The following LRRC4C variants were observed in gnomAD, a reference collection of about 807,000 sequenced individuals.
LRRC4C encodes leucine-rich repeat-containing protein 4C.
Under a neutral mutation model 33.6 loss-of-function variants are expected in LRRC4C, and 5 were observed. The ratio of observed to expected loss-of-function variants is 0.15; its 90% CI spans 0.08 to 0.31. The LOEUF (loss-of-function observed/expected upper bound fraction) is 0.31, where lower values mean the gene tolerates loss of function less well. Ranked by LOEUF, LRRC4C falls within the 10% of genes least tolerant of loss-of-function variation. LRRC4C has a pLI of 1.00. For synonymous variants in LRRC4C, 329 were observed against 302.0 expected (o/e 1.09, Z -0.93); for missense variants, 560 against 796.7 (o/e 0.70, Z 3.58).
chr11:41,194,490 A>C (rs1388159234), intron 1 of LRRC4C, among the ~76,000 whole-genome samples: 1 of 152,100 alleles, frequency 6.6e-6, no homozygotes, highest in Non-Finnish European at 1.5e-5. Flanking sequence ...ACATCATTAC[A>C]TTACCTGAGA....
chr11:40,496,628 A>G (rs1280807280), intron 3 of LRRC4C, among the ~76,000 whole-genome samples: 6 of 152,108 alleles, frequency 3.9e-5, no homozygotes, highest in African/African-American at 1.2e-4. Flanking sequence ...ATGGTTGTCA[A>G]TCATTTTTCT....
At chr11:40,476,623 C>T (rs1450694614) in intron 3 of LRRC4C, among the ~76,000 whole-genome samples, 4 of 152,108 alleles carry the variant, frequency 2.6e-5, no homozygotes, top group Admixed American at 1.3e-4. Flanking sequence ...GGATTACAGG[C>T]GTAAGCCACC....
intron 1 of LRRC4C, among the ~76,000 whole-genome samples, chr11:41,403,809 C>T (rs1954115251): frequency 6.6e-6 from 1 of 152,072 alleles, no homozygotes; most frequent in African/African-American, 2.4e-5. Flanking sequence ...CATTTTTACC[C>T]TCTTCATCAT....
chr11:40,580,744 T>G (rs1406569981), intron 3 of LRRC4C, among the ~76,000 whole-genome samples: 1 of 152,140 alleles, frequency 6.6e-6, no homozygotes, highest in Non-Finnish European at 1.5e-5. Flanking sequence ...GTGATGAAAT[T>G]TAAGGGATTG....
rs764079851 is a variant in LRRC4C, at chr11:40,779,723, CA to C, written c.-406-131446del. On this transcript the variant is annotated intron_variant, in intron 2 of 6. Transcript: ENST00000528697. ...CCAAACATTGGAATATACCCTGGCA[CA>C]GGTGAGACATGCTGGTCTCTAGTAG... Among the ~76,000 whole-genome samples the C allele has an allele frequency of 1.0e-3, 158 of 152,226 alleles. No homozygotes were observed. The Middle Eastern group carries it at 0.014, about 13-fold the overall frequency.
chr11:40,583,188 C>T (rs1165344359), intron 3 of LRRC4C, among the ~76,000 whole-genome samples: 1 of 152,188 alleles, frequency 6.6e-6, no homozygotes, highest in African/African-American at 2.4e-5. Flanking sequence ...TGACTGATAA[C>T]TTTAAATGCC....
intron 1 of LRRC4C, among the ~76,000 whole-genome samples, chr11:40,952,752 A>G (rs1348361476): frequency 6.6e-6 from 1 of 151,688 alleles, no homozygotes; most frequent in Non-Finnish European, 1.5e-5. Context: ...GATCACAATC[A>G]GGCATCTGAA....
intron 1 of LRRC4C, among the ~76,000 whole-genome samples, chr11:40,969,017 C>T (rs114935970): frequency 0.017 from 2,616 of 152,110 alleles, 82 homozygotes; most frequent in African/African-American, 0.06. Flanking sequence ...TGAAAATCTT[C>T]GGGAAAGTAC....
intron 2 of LRRC4C, among the ~76,000 whole-genome samples, chr11:40,929,624 A>AT (rs540676103): frequency 1.0e-3 from 152 of 151,676 alleles, no homozygotes; most frequent in Non-Finnish European, 1.7e-3. Context: ...ATTTTATTTT[A>AT]TTTTTTTTGA....
chr11:40,902,844 C>T lies in LRRC4C; in HGVS notation c.-407+30791G>A, dbSNP rs1173429925. Among the ~76,000 whole-genome samples, 5 of 152,228 alleles carry T rather than the reference C, an allele frequency of 3.3e-5. No individual in the cohort carries two copies. In the East Asian group the frequency reaches 7.7e-4, roughly 24 times the overall value. On this transcript the variant is annotated intron_variant, in intron 2 of 6. Coordinates refer to ENST00000528697, the MANE Select transcript of LRRC4C (RefSeq NM_001258419.2). ...CTGCAGAAGAAAAGTTTAAAGCTAG[C>T]AGAGTTTGGTCTAGGGGGTTTGAGA...
At chr11:41,055,964 A>G (rs1590375121) in intron 1 of LRRC4C, among the ~76,000 whole-genome samples, 1 of 152,134 alleles carries the variant, frequency 6.6e-6, no homozygotes, top group Admixed American at 6.6e-5. Context: ...TTTAATGCAT[A>G]TTTTCTTTCA....
intron 3 of LRRC4C, among the ~76,000 whole-genome samples, chr11:40,370,477 T>C (rs1948405533): frequency 6.6e-6 from 1 of 152,164 alleles, no homozygotes; most frequent in African/African-American, 2.4e-5. Context: ...TAAAGTAACA[T>C]AGCAACAACA....
intron 3 of LRRC4C, among the ~76,000 whole-genome samples, chr11:40,480,945 A>C (rs1238085815): frequency 1.3e-5 from 2 of 151,872 alleles, no homozygotes; most frequent in African/African-American, 4.8e-5. Context: ...AAGTGGGGAG[A>C]GGTTGTTTAA....
intron 1 of LRRC4C, among the ~76,000 whole-genome samples, chr11:41,372,538 G>T (rs1042245435): frequency 1.3e-5 from 2 of 152,144 alleles, no homozygotes; most frequent in African/African-American, 4.8e-5. Context: ...GGCCAAGTTT[G>T]ATAAGTGGGC....
At chr11:41,269,674 T>A (rs941396607) in intron 1 of LRRC4C, among the ~76,000 whole-genome samples, 2 of 152,098 alleles carry the variant, frequency 1.3e-5, no homozygotes, top group African/African-American at 4.8e-5. Context: ...CTGATTTTCC[T>A]GAGTAAATCA....
intron 3 of LRRC4C, among the ~76,000 whole-genome samples, chr11:40,610,247 G>A (rs912024213): frequency 6.6e-6 from 1 of 151,518 alleles, no homozygotes; most frequent in African/African-American, 2.4e-5. Flanking sequence ...CAACCAATGT[G>A]GTATACCATA....
chr11:40,411,872 C>A (rs1950167991), intron 3 of LRRC4C, among the ~76,000 whole-genome samples: 1 of 151,804 alleles, frequency 6.6e-6, no homozygotes, highest in Admixed American at 6.6e-5. Context: ...GTGTGATAAG[C>A]CTTTTGTATA....
intron 2 of LRRC4C, among the ~76,000 whole-genome samples, chr11:40,677,861 A>G (rs886904781): frequency 6.6e-6 from 1 of 152,148 alleles, no homozygotes; most frequent in Non-Finnish European, 1.5e-5. Context: ...ATGACCTCCA[A>G]TCTGCTTCCT....
chr11:40,270,498 G>C (rs965471547), intron 4 of LRRC4C, among the ~76,000 whole-genome samples: 2 of 152,036 alleles, frequency 1.3e-5, no homozygotes, highest in African/African-American at 4.8e-5. Flanking sequence ...GATGTTATCT[G>C]TAAATATGCT....
Sources: allele counts gnomAD v4.1 joint callset (sites outside exome capture counted in the v4.1 genomes callset), GRCh38; gene constraint gnomAD v4.1.1; transcripts MANE v1.5; gene names NCBI Gene and HGNC (gene_info 2026-07-23, HGNC 2026-07-21).